Variants in ACTR10 observed in about 807,000 individuals in gnomAD.
The protein encoded by ACTR10 is actin related protein 10, also known as actin-related protein 10.
ACTR10 carries 43 observed loss-of-function variants against 56.2 expected under a neutral mutation model. The observed-to-expected ratio is 0.77, with a 90% CI of 0.60 to 0.99. ACTR10 has a LOEUF of 0.99. ACTR10 is among the 50% of genes least tolerant of loss of function. The pLI, the probability that ACTR10 is intolerant of heterozygous loss-of-function variation, is 0.00. For missense variants in ACTR10, 466 were observed against 507.8 expected, an observed-to-expected ratio of 0.92 and a Z score of 0.79; for synonymous variants, 170 against 176.3, an observed-to-expected ratio of 0.96 and a Z score of 0.28.
chr14:58,213,732 C>T (rs757440849), intron 6 of ACTR10, 34 bp downstream of exon 6: 1 of 1,535,002 alleles, frequency 6.5e-7, no homozygotes, highest in Admixed American at 1.7e-5. Flanking sequence ...ATTCATTTCA[C>T]CTGTGCCACA....
chr14:58,216,069 G>A (rs1889127116), intron 7 of ACTR10, among the ~76,000 whole-genome samples: 1 of 149,926 alleles, frequency 6.7e-6, no homozygotes, highest in South Asian at 2.1e-4. Flanking sequence ...TATTACAGAA[G>A]TCTACTCTGG....
intron 12 of ACTR10, 134 bp downstream of exon 12, chr14:58,232,401 T>G (rs965978258): frequency 6.5e-5 from 30 of 462,496 alleles, no homozygotes; most frequent in South Asian, 2.0e-4. Flanking sequence ...ACACTGACTT[T>G]TTCTTTTTTT....
Position 58,220,491 on chromosome 14 carries a change from T to C in ACTR10, c.634+762T>C, listed in dbSNP as rs532884120. On this transcript the variant is annotated intron_variant, in intron 8 of 12. Coordinates refer to ENST00000254286, the MANE Select transcript of ACTR10 (RefSeq NM_018477.3). The stretch of plus-strand genomic sequence containing the variant: ...TTACCTAAATTCTTTTCAATTGTTA[T>C]AAAATTTCAATCATTTGTAATGCTT... Among the ~76,000 whole-genome samples, 76 of 152,362 alleles carry C rather than the reference T, an allele frequency of 5.0e-4. 1 individual carries two copies. Among genetic ancestry groups the C allele is most frequent in the Middle Eastern group, 3.4e-3 (1 of 294 alleles).
intron 10 of ACTR10, among the ~76,000 whole-genome samples, chr14:58,228,755 T>C (rs1431820227): frequency 1.4e-5 from 2 of 138,160 alleles, no homozygotes; most frequent in Non-Finnish European, 3.1e-5. Flanking sequence ...CTCAGGCTGG[T>C]CTTGAATTCC....
intron 12 of ACTR10, among the ~76,000 whole-genome samples, chr14:58,232,475 G>T (rs1328279367): frequency 1.4e-5 from 2 of 142,916 alleles, no homozygotes; most frequent in Non-Finnish European, 3.0e-5. Context: ...TGCAGTGGTG[G>T]TGCGATCTCG....
intron 10 of ACTR10, among the ~76,000 whole-genome samples, chr14:58,227,474 A>G (rs1156349297): frequency 3.9e-5 from 6 of 152,266 alleles, no homozygotes; most frequent in Non-Finnish European, 8.8e-5. Context: ...AGCTTTCAAC[A>G]TTCATAGAAA....
In ACTR10 at chr14:58,223,823, G is replaced by A. The variant is rs1193681050; in HGVS notation, c.755G>A (p.Gly252Glu). Residue 252 changes from glycine (G) to glutamate (E), a missense_variant, in exon 10 of 13, where the codon GGA (glycine) becomes GAA (glutamate). By Grantham distance (98) the Gly-to-Glu change is moderately conservative (BLOSUM62 -2). Transcript: ENST00000254286. ...CCAAATGTTGACTATCCATTAGATG[G>A]AGAGAAGATTTTACATATCCTTGGA... ...PPPNVDYPLD[G>E]EKILHILGSI... The A allele has an allele frequency of 1.9e-6, 3 of 1,612,984 alleles. No homozygotes were observed. The highest frequency in any genetic ancestry group is 1.7e-5 in the Admixed American group (1 of 59,962).
At chr14:58,214,909 CA>C (rs1277104727) in intron 6 of ACTR10, among the ~76,000 whole-genome samples, 5 of 151,216 alleles carry the variant, frequency 3.3e-5, no homozygotes, top group Non-Finnish European at 7.4e-5. Flanking sequence ...AGTTCAAGAC[CA>C]GCCTGGCCAA....
intron 2 of ACTR10, among the ~76,000 whole-genome samples, chr14:58,204,305 A>C (rs920152597): frequency 2.6e-5 from 4 of 151,654 alleles, no homozygotes; most frequent in African/African-American, 9.7e-5. Context: ...AATGGCGTGA[A>C]CTCGGGAGGC....
intron 5 of ACTR10, 43 bp downstream of exon 5, chr14:58,211,442 A>G (rs1428796431): frequency 1.5e-6 from 2 of 1,354,826 alleles, no homozygotes; most frequent in Admixed American, 3.5e-5. Flanking sequence ...TTTTTACTCT[A>G]CTTTAACTAA....
intron 10 of ACTR10, among the ~76,000 whole-genome samples, chr14:58,228,539 T>C (rs1594814557): frequency 6.6e-6 from 1 of 151,738 alleles, no homozygotes; most frequent in Admixed American, 6.6e-5. Flanking sequence ...TGAGAATTGC[T>C]TGAACCTGGG....
At chr14:58,203,502 G>A (rs1016778937) in intron 2 of ACTR10, among the ~76,000 whole-genome samples, 7 of 151,872 alleles carry the variant, frequency 4.6e-5, no homozygotes, top group South Asian at 2.1e-4. Context: ...CCTAATACCC[G>A]TTTACAATTA....
chr14:58,228,627 C>T (rs954956383), intron 10 of ACTR10, among the ~76,000 whole-genome samples: 5 of 133,080 alleles, frequency 3.8e-5, no homozygotes, highest in Non-Finnish European at 6.2e-5. Context: ...CGACATATTA[C>T]TTTTGCCTAC....
chr14:58,202,532 C>G (rs1217897370), intron 1 of ACTR10, among the ~76,000 whole-genome samples: 1 of 150,320 alleles, frequency 6.7e-6, no homozygotes, highest in African/African-American at 2.5e-5. Context: ...TGCAGTGAGC[C>G]GAGATCGCGC....
intron 10 of ACTR10, among the ~76,000 whole-genome samples, chr14:58,227,025 T>C (rs1889421374): frequency 6.6e-6 from 1 of 152,232 alleles, no homozygotes; most frequent in Admixed American, 6.5e-5. Context: ...TTATAAAAAA[T>C]CGTATACTAA....
intron 12 of ACTR10, 131 bp downstream of exon 12, chr14:58,232,398 C>CTTTT (rs1566632021): frequency 2.0e-5 from 4 of 205,058 alleles, no homozygotes; most frequent in South Asian, 1.0e-4. Flanking sequence ...CTAACACTGA[C>CTTTT]TTTTTCTTTT....
At chr14:58,200,322 C>T in intron 1 of ACTR10, 28 bp downstream of exon 1, 1 of 1,480,764 alleles carries the variant, frequency 6.8e-7, no homozygotes, top group African/African-American at 1.5e-5. Context: ...CAGCTGTGTT[C>T]GACCCGAGGG....
intron 6 of ACTR10, among the ~76,000 whole-genome samples, chr14:58,214,158 A>G (rs1426557840): frequency 6.6e-6 from 1 of 152,092 alleles, no homozygotes; most frequent in Non-Finnish European, 1.5e-5. Context: ...CCTCCCTTGT[A>G]TCCCTCCACT....
intron 6 of ACTR10, among the ~76,000 whole-genome samples, chr14:58,214,790 A>C (rs1377490668): frequency 1.4e-5 from 2 of 144,772 alleles, no homozygotes; most frequent in Non-Finnish European, 3.0e-5. Flanking sequence ...CGTGCCTGGC[A>C]GGAAGATCAT....
Sources: gnomAD v4.1 joint callset for allele counts (sites outside exome capture counted in the v4.1 genomes callset) on GRCh38, gnomAD v4.1.1 for gene constraint, MANE v1.5 for transcripts, NCBI Gene and HGNC (gene_info 2026-07-23, HGNC 2026-07-21) for gene names.